Variants in PPP2CB observed in about 807,000 individuals in gnomAD.
PPP2CB encodes the protein serine/threonine-protein phosphatase 2A catalytic subunit beta isoform.
In PPP2CB, 18 loss-of-function variants were observed where a neutral mutation model predicts 39.1. That is an observed-to-expected ratio of 0.46 (90% CI 0.32 to 0.68). The LOEUF is 0.68. PPP2CB is among the 30% of genes least tolerant of loss of function. PPP2CB has a pLI of 0.04. For missense variants in PPP2CB, 226 were observed against 396.9 expected, an observed-to-expected ratio of 0.57 and a Z score of 3.66; for synonymous variants, 129 against 133.8, an observed-to-expected ratio of 0.96 and a Z score of 0.25.
At chr8:30,793,699 T>G in intron 5 of PPP2CB, 1 of 453,746 alleles carries the variant, frequency 2.2e-6, no homozygotes, top group Non-Finnish European at 3.9e-6. Flanking sequence ...TATGGGGTAC[T>G]ATTTTTGTAA....
chr8:30,806,806 A>T (rs1806733777), intron 1 of PPP2CB, among the ~76,000 whole-genome samples: 1 of 152,252 alleles, frequency 6.6e-6, no homozygotes, highest in Non-Finnish European at 1.5e-5. Context: ...CAATAAAAGC[A>T]GGCAATGAAA....
Position 30,812,682 on chromosome 8 carries a change from G to A in PPP2CB, c.-261C>T, listed in dbSNP as rs1405388616. The A allele has an allele frequency of 1.1e-5, 4 of 377,126 alleles. No homozygotes were observed. Among genetic ancestry groups the A allele is most frequent in the Middle Eastern group, 7.4e-4 (1 of 1,360 alleles). The allele number at this position is 377,126 out of a possible 1,614,324, so 23.4% of individuals were successfully genotyped here. On this transcript the variant is annotated 5_prime_UTR_variant, in exon 1 of 7. Coordinates refer to ENST00000221138, the MANE Select transcript of PPP2CB (RefSeq NM_001009552.2). ...GCCCGGCCGCGCGCCGCGGGAGTCG[G>A]TGAAGGACGCGGTGAGGTGCCGGGG...
intron 1 of PPP2CB, among the ~76,000 whole-genome samples, chr8:30,802,130 T>C (rs367745395): frequency 1.3e-5 from 2 of 152,230 alleles, no homozygotes; most frequent in Admixed American, 6.5e-5. Context: ...CCATACTTTC[T>C]TCTCCTTGCT....
chr8:30,807,040 A>G (rs1416248642), intron 1 of PPP2CB, among the ~76,000 whole-genome samples: 1 of 152,240 alleles, frequency 6.6e-6, no homozygotes, highest in Non-Finnish European at 1.5e-5. Context: ...TTACCTGTCC[A>G]CTAAGAGGCT....
At chr8:30,786,677 T>C (rs1208912563) in intron 6 of PPP2CB, among the ~76,000 whole-genome samples, 1 of 149,120 alleles carries the variant, frequency 6.7e-6, no homozygotes, top group Admixed American at 6.7e-5. Context: ...TTTTTTTTTT[T>C]TTTTGAGGCA....
At chr8:30,793,737 T>G in intron 5 of PPP2CB, 180 bp downstream of exon 5, 5 of 558,690 alleles carry the variant, frequency 8.9e-6, no homozygotes, top group Non-Finnish European at 1.4e-5. Flanking sequence ...ATTTCAAAAA[T>G]GAGTTATAAT....
chr8:30,803,535 C>T (rs1250093358), intron 1 of PPP2CB, among the ~76,000 whole-genome samples: 2 of 150,718 alleles, frequency 1.3e-5, no homozygotes, highest in African/African-American at 2.5e-5. Context: ...ACAGTAAGAT[C>T]CTGCCTTTAA....
At chr8:30,809,448 A>G (rs1454527958) in intron 1 of PPP2CB, among the ~76,000 whole-genome samples, 2 of 152,166 alleles carry the variant, frequency 1.3e-5, no homozygotes, top group Non-Finnish European at 2.9e-5. Context: ...ATATACTCAT[A>G]CATACACAAA....
intron 5 of PPP2CB, among the ~76,000 whole-genome samples, chr8:30,791,889 T>A (rs183160368): frequency 6.6e-6 from 1 of 151,342 alleles, no homozygotes; most frequent in African/African-American, 2.4e-5. Context: ...CATATATGTA[T>A]ACATGTGTAT....
intron 1 of PPP2CB, among the ~76,000 whole-genome samples, chr8:30,807,513 A>C (rs1806743722): frequency 6.6e-6 from 1 of 152,232 alleles, no homozygotes; most frequent in Admixed American, 6.5e-5. Context: ...TTACATATTT[A>C]TACTTCTACA....
rs527739307 is a variant in PPP2CB, at chr8:30,807,611, A to T, written c.102+4709T>A. On this transcript the variant is annotated intron_variant, in intron 1 of 6. Transcript: ENST00000221138. ...ACACATTGGCTGAATTTCCCTCCCC[A>T]CCTAAAGAATCATCACCAAGGTTCT... Among the ~76,000 whole-genome samples, 6 of 152,316 alleles carry T rather than the reference A, an allele frequency of 3.9e-5. No homozygotes were observed. In the South Asian group the frequency reaches 1.2e-3, roughly 32 times the overall value.
chr8:30,812,467 G>GCCCACCCC lies in PPP2CB; in HGVS notation c.-47_-46insGGGGTGGG. On this transcript the variant is annotated 5_prime_UTR_variant, in exon 1 of 7. Coordinates refer to ENST00000221138, the MANE Select transcript of PPP2CB (RefSeq NM_001009552.2). ...GATCCCGAGCCCCAGCCCGGCCGCC[G>GCCCACCCC]CCCTCCCCCCTCCCCACCCGCCCCC... is the stretch of plus-strand genomic sequence containing the variant. The GCCCACCCC allele has an allele frequency of 1.5e-6, 2 of 1,354,968 alleles. No homozygotes were observed. The highest frequency in any genetic ancestry group is 2.3e-5 in the Admixed American group (1 of 42,868). 83.9% of individuals were successfully genotyped at this position (1,354,968 alleles called of 1,614,324 possible). A position where few individuals can be genotyped will look rare whatever the true frequency, so the allele number is the denominator to read the frequency against.
intron 1 of PPP2CB, among the ~76,000 whole-genome samples, chr8:30,805,028 T>C (rs1806695114): frequency 1.3e-5 from 2 of 152,120 alleles, no homozygotes; most frequent in Admixed American, 1.3e-4. Flanking sequence ...CTTTGAACAG[T>C]CTGGTACATA....
At chr8:30,795,232 G>A (rs1806502530) in intron 3 of PPP2CB, among the ~76,000 whole-genome samples, 1 of 149,956 alleles carries the variant, frequency 6.7e-6, no homozygotes, top group Admixed American at 6.7e-5. Flanking sequence ...TCTCCTGCCT[G>A]AGCCTCCTGA....
At chr8:30,802,916 T>C (rs570900510) in intron 1 of PPP2CB, among the ~76,000 whole-genome samples, 6 of 152,266 alleles carry the variant, frequency 3.9e-5, no homozygotes, top group Admixed American at 3.9e-4. Flanking sequence ...GAACCGACTG[T>C]GGGAATGCTG....
At chr8:30,791,854 G>A (rs548297664) in intron 5 of PPP2CB, among the ~76,000 whole-genome samples, 22 of 149,548 alleles carry the variant, frequency 1.5e-4, no homozygotes, top group Admixed American at 1.1e-3. Flanking sequence ...GTATATATAC[G>A]TGTATATATG....
At chr8:30,794,459 C>G in intron 3 of PPP2CB, 178 bp from the exon 4 acceptor site, 1 of 529,374 alleles carries the variant, frequency 1.9e-6, no homozygotes, top group Non-Finnish European at 3.2e-6. Flanking sequence ...CCTTGGGGAC[C>G]CACCATTAAA....
intron 6 of PPP2CB, among the ~76,000 whole-genome samples, chr8:30,787,083 G>T (rs1365659245): frequency 2.6e-5 from 4 of 152,038 alleles, no homozygotes. Flanking sequence ...TTATTATATT[G>T]ATTTTCATGT....
intron 1 of PPP2CB, among the ~76,000 whole-genome samples, chr8:30,805,823 C>A (rs1464927221): frequency 1.3e-5 from 2 of 152,130 alleles, no homozygotes; most frequent in East Asian, 3.9e-4. Flanking sequence ...TATTATAACG[C>A]AAGTCAGGAA....
Sources: allele counts gnomAD v4.1 joint callset (sites outside exome capture counted in the v4.1 genomes callset), GRCh38; gene constraint gnomAD v4.1.1; transcripts MANE v1.5; gene names NCBI Gene and HGNC (gene_info 2026-07-23, HGNC 2026-07-21).